The following PABPC1 variants were observed in gnomAD, a reference collection of about 807,000 sequenced individuals.
The protein encoded by PABPC1 is polyadenylate-binding protein 1.
Under a neutral mutation model 74.0 loss-of-function variants are expected in PABPC1, and 4 were observed. The ratio of observed to expected loss-of-function variants is 0.05; its 90% CI spans 0.03 to 0.12. PABPC1 has a LOEUF of 0.12. Ranked by LOEUF, PABPC1 falls within the 10% of genes least tolerant of loss-of-function variation. PABPC1 has a pLI of 1.00. For synonymous variants in PABPC1, 227 were observed against 264.1 expected (o/e 0.86, Z 1.36); for missense variants, 271 against 821.1 (o/e 0.33, Z 8.19).
Position 100,705,066 on chromosome 8 carries a change from G to A in PABPC1, c.1688-10C>T. On this transcript the variant is annotated splice_polypyrimidine_tract_variant and intron_variant, in intron 12 of 14. Coordinates refer to ENST00000318607, the MANE Select transcript of PABPC1 (RefSeq NM_002568.4). ...GGAAACAGCCGTTCACCTAGGAACAGAAACATTCAAAAACTCCCTTCAATA... is the reference window on the plus strand; with the variant it reads ...GGAAACAGCCGTTCACCTAGGAACAAAAACATTCAAAAACTCCCTTCAATA... The A allele has an allele frequency of 6.2e-7, 1 of 1,602,174 alleles. No individual in the cohort carries two copies. Among genetic ancestry groups the A allele is most frequent in the South Asian group, 1.1e-5 (1 of 88,062 alleles).
chr8:100,721,835 T>C lies in PABPC1; in HGVS notation c.-252A>G, dbSNP rs957882795. On this transcript the variant is annotated 5_prime_UTR_variant, in exon 1 of 15. Transcript: ENST00000318607. The surrounding 1 kb of genome is among the most constrained non-coding windows in gnomAD (Gnocchi z 7.4). ...GGGCAGCGGGAAGGCCTCGGTCTCT[T>C]GGTTCCTTCTTGGAGCTGCTGCGGG... 38 of 372,542 alleles carry C rather than the reference T, an allele frequency of 1.0e-4. No homozygotes were observed. The highest frequency in any genetic ancestry group is 9.6e-6 in the Non-Finnish European group (2 of 207,456). The allele number at this position is 372,542 out of a possible 1,614,324, so 23.1% of individuals were successfully genotyped here.
At chr8:100,704,839 G>A (rs1034259469) in intron 13 of PABPC1, 87 bp downstream of exon 13, 7 of 1,308,122 alleles carry the variant, frequency 5.4e-6, no homozygotes, top group South Asian at 2.6e-5. Flanking sequence ...TATATAACAC[G>A]ATGTAAGTGT....
rs1050678600 is a variant in PABPC1 at position 100,721,293 on chromosome 8, C to T, written c.193+98G>A. The T allele has an allele frequency of 6.2e-5, 26 of 417,262 alleles. No individual in the cohort carries two copies. The highest frequency in any genetic ancestry group is 7.5e-5 in the Non-Finnish European group (22 of 295,020). 25.8% of individuals were successfully genotyped at this position (417,262 alleles called of 1,614,324 possible). A position where few individuals can be genotyped will look rare whatever the true frequency, so the allele number is the denominator to read the frequency against. On this transcript the variant is annotated intron_variant, in intron 1 of 14. Coordinates refer to ENST00000318607, the MANE Select transcript of PABPC1 (RefSeq NM_002568.4). The surrounding 1 kb of genome is among the most constrained non-coding windows in gnomAD (Gnocchi z 7.4). The stretch of plus-strand genomic sequence containing the variant: ...CGTCGCGGGGTGACATGCCCTCCCG[C>T]CCCCCTCCCCGGGCCCGCCGGCCTA...
At position 100,721,901 on chromosome 8, in the gene PABPC1, T is replaced by A; in HGVS notation, c.-318A>T. The A allele has an allele frequency of 3.4e-6, 1 of 290,830 alleles. No homozygotes were observed. Among genetic ancestry groups the A allele is most frequent in the East Asian group, 5.8e-5 (1 of 17,210 alleles). 18.0% of individuals were successfully genotyped at this position (290,830 alleles called of 1,614,324 possible). The stretch of plus-strand genomic sequence containing the variant: ...GTCGGTCTCGGCTGCTTCACCGGGT[T>A]ATTTTATAAAAGAGGAAGAAAAAAA... On this transcript the variant is annotated 5_prime_UTR_variant, in exon 1 of 15. Transcript: ENST00000318607. This position sits in a 1 kb window ranked among gnomAD's most constrained non-coding sequence, Gnocchi z 7.4.
rs1810648689 is a variant in PABPC1, at chr8:100,715,601, T to C, written c.504A>G (p.Val168=). 1.2e-6 allele frequency: 2 copies of C among 1,604,034 alleles called. No homozygotes were observed. Among genetic ancestry groups the C allele is most frequent in the African/African-American group, 2.7e-5 (2 of 74,588 alleles). The part of the protein sequence containing the change: ...MNGMLLNDRK[V]FVGRFKSRKE... The stretch of plus-strand genomic sequence containing the variant: ...TACGAGACTTAAATCGTCCAACAAA[T>C]CTAATAAGATATACAAGGACTATAA... Residue 168 remains valine, a splice_region_variant and synonymous_variant, in exon 4 of 15, where the codon GTA becomes GTG. Coordinates refer to ENST00000318607, the MANE Select transcript of PABPC1 (RefSeq NM_002568.4).
At chr8:100,717,192 T>C (rs971335589) in intron 3 of PABPC1, among the ~76,000 whole-genome samples, 28 of 152,186 alleles carry the variant, frequency 1.8e-4, no homozygotes, top group Non-Finnish European at 4.1e-4. Context: ...GTATTTTTAG[T>C]AGAGACGGTT....
chr8:100,712,466 A>G lies in PABPC1; in HGVS notation c.877-9T>C. On this transcript the variant is annotated splice_polypyrimidine_tract_variant and intron_variant, in intron 6 of 14. Coordinates refer to ENST00000318607, the MANE Select transcript of PABPC1 (RefSeq NM_002568.4). ...ACATAAAGATTAACACCCTAAAAAGAAGAAAAGAAAACTATAGAAAAAGAA... is the reference window on the plus strand; with the variant it reads ...ACATAAAGATTAACACCCTAAAAAGGAGAAAAGAAAACTATAGAAAAAGAA... 2 of 1,364,490 alleles carry G rather than the reference A, an allele frequency of 1.5e-6. No homozygotes were observed. The highest frequency in any genetic ancestry group is 2.8e-5 in the South Asian group (2 of 72,690). 84.5% of individuals were successfully genotyped at this position (1,364,490 alleles called of 1,614,324 possible). A position where few individuals can be genotyped will look rare whatever the true frequency, so the allele number is the denominator to read the frequency against.
intron 4 of PABPC1, 44 bp from the exon 5 acceptor site, chr8:100,713,225 T>G (rs1810576198): frequency 8.6e-7 from 1 of 1,167,378 alleles, no homozygotes; most frequent in East Asian, 2.5e-5. Flanking sequence ...CCATACAACA[T>G]TCACGTTATA....
chr8:100,704,804 A>G (rs907015574), intron 13 of PABPC1, 122 bp downstream of exon 13: 2 of 974,966 alleles, frequency 2.1e-6, no homozygotes, highest in African/African-American at 3.3e-5. Flanking sequence ...GTTATTATGC[A>G]GACTTTACAA....
intron 3 of PABPC1, among the ~76,000 whole-genome samples, chr8:100,716,911 C>T (rs991825018): frequency 5.9e-5 from 9 of 152,230 alleles, no homozygotes; most frequent in African/African-American, 2.2e-4. Flanking sequence ...AGTTATATCA[C>T]TTTTACTCAA....
chr8:100,717,988 T>C, intron 2 of PABPC1, 99 bp downstream of exon 2: 1 of 1,341,234 alleles, frequency 7.5e-7, no homozygotes, highest in Non-Finnish European at 1.1e-6. Flanking sequence ...TGGATATTTG[T>C]GAAATAAAGA....
chr8:100,720,804 C>T (rs1810801994), intron 1 of PABPC1, among the ~76,000 whole-genome samples: 1 of 152,204 alleles, frequency 6.6e-6, no homozygotes, highest in African/African-American at 2.4e-5. Flanking sequence ...AGTGGACTCA[C>T]AAGCCTGAGG....
In PABPC1 at chr8:100,715,306, T is replaced by C. The variant is rs917957844; in HGVS notation, c.643+156A>G. 3.9e-5 allele frequency among the ~76,000 whole-genome samples: 6 copies of C among 152,360 alleles called. 2 individuals carry two copies. The South Asian group carries it at 8.3e-4, about 21-fold the overall frequency. ...TGCATTATACTACTTTGTAGTGTAA[T>C]AGATGGCCAGCAGCTTAATTCAAAT... On this transcript the variant is annotated intron_variant, in intron 4 of 14. Transcript: ENST00000318607.
chr8:100,708,657 C>T lies in PABPC1; in HGVS notation c.1336+476G>A, dbSNP rs148269241. ...TTAGGAGGCTGAGGTGGGCAGATGA[C>T]CTGAGATCAGGAGCTCAAGACAACC... On this transcript the variant is annotated intron_variant, in intron 9 of 14. Transcript: ENST00000318607. Among the ~76,000 whole-genome samples, 703 of 152,174 alleles carry T rather than the reference C, an allele frequency of 4.6e-3. 5 individuals carry two copies. Among genetic ancestry groups the T allele is most frequent in the Middle Eastern group, 0.034 (10 of 292 alleles).
chr8:100,708,908 A>AAATAAATAAAT (rs1563610918), intron 9 of PABPC1, among the ~76,000 whole-genome samples: 140 of 132,712 alleles, frequency 1.1e-3, no homozygotes, highest in African/African-American at 3.8e-3. Flanking sequence ...AATAAATAAA[A>AAATAAATAAAT]AATGAAGAGC....
chr8:100,708,650 C>T (rs1344359938), intron 9 of PABPC1, among the ~76,000 whole-genome samples: 1 of 152,098 alleles, frequency 6.6e-6, no homozygotes, highest in Non-Finnish European at 1.5e-5. Flanking sequence ...CTGAGGTGGG[C>T]AGATGACCTG....
At chr8:100,711,324 G>A (rs1476483337) in intron 7 of PABPC1, among the ~76,000 whole-genome samples, 1 of 152,010 alleles carries the variant, frequency 6.6e-6, no homozygotes, top group Non-Finnish European at 1.5e-5. Context: ...AATTTGTGTT[G>A]CACTGCATTA....
chr8:100,707,183 T>C (rs1810402091), intron 9 of PABPC1, 186 bp from the exon 10 acceptor site: 1 of 499,972 alleles, frequency 2.0e-6, no homozygotes, highest in Non-Finnish European at 3.6e-6. Context: ...CATTAATTCA[T>C]ACAAGGACGA....
At chr8:100,714,415 C>T (rs1810610363) in intron 4 of PABPC1, among the ~76,000 whole-genome samples, 1 of 152,124 alleles carries the variant, frequency 6.6e-6, no homozygotes, top group Non-Finnish European at 1.5e-5. Context: ...CTTGATGTGA[C>T]ATGCTAGCAT....
Sources: allele counts gnomAD v4.1 joint callset (sites outside exome capture counted in the v4.1 genomes callset), GRCh38; gene constraint gnomAD v4.1.1; non-coding constraint Gnocchi (gnomAD v3.1); transcripts MANE v1.5; gene names NCBI Gene and HGNC (gene_info 2026-07-23, HGNC 2026-07-21).